Variants in NXNL1 observed in about 807,000 individuals in gnomAD.
NXNL1 encodes the protein nucleoredoxin like 1, also known as nucleoredoxin-like protein 1.
NXNL1 carries 6 observed loss-of-function variants against 7.2 expected under a neutral mutation model. The observed-to-expected ratio is 0.83, with a 90% CI of 0.46 to 1.64. NXNL1 has a LOEUF of 1.64. Ranked by LOEUF, NXNL1 falls within the 40% of genes most tolerant of loss-of-function variation. The pLI, the probability that NXNL1 is intolerant of heterozygous loss-of-function variation, is 0.01. For synonymous variants in NXNL1, 133 were observed against 127.2 expected, an observed-to-expected ratio of 1.05 and a Z score of -0.31; for missense variants, 308 against 285.1, an observed-to-expected ratio of 1.08 and a Z score of -0.58.
At chr19:17,459,407 T>C (rs2075004813) in intron 1 of NXNL1, among the ~76,000 whole-genome samples, 1 of 105,594 alleles carries the variant, frequency 9.5e-6, no homozygotes, top group Non-Finnish European at 2.2e-5. Context: ...ATTTATTTAT[T>C]ACATTTTTTA....
In NXNL1 at chr19:17,455,952, C is replaced by T. The variant is rs2144514491; in HGVS notation, c.334G>A (p.Gly112Arg). ...PFEDDLRRDL[G>R]RQFSVERLPA... ...AGGCGCTCCACTGAGAACTGGCGCCCGAGGTCCCTGCGGAGCGGGCAGGTC... is the reference window on the plus strand; with the variant it reads ...AGGCGCTCCACTGAGAACTGGCGCCTGAGGTCCCTGCGGAGCGGGCAGGTC... Residue 112 changes from glycine (G) to arginine (R), a missense_variant, in exon 2 of 2, where the codon GGG becomes AGG. By Grantham distance (125) the Gly-to-Arg change is moderately radical (BLOSUM62 -2). Transcript: ENST00000301944. The T allele has an allele frequency of 6.3e-7, 1 of 1,597,596 alleles. No individual in the cohort carries two copies. Among genetic ancestry groups the T allele is most frequent in the Non-Finnish European group, 8.5e-7 (1 of 1,179,486 alleles).
intron 1 of NXNL1, among the ~76,000 whole-genome samples, chr19:17,458,236 T>G (rs1225374982): frequency 7.5e-5 from 11 of 146,320 alleles, no homozygotes; most frequent in African/African-American, 2.4e-4. Flanking sequence ...TTTTTTTTTT[T>G]TGTGACATAG....
At position 17,455,671 on chromosome 19, in the gene NXNL1, C is replaced by CCCCA; in HGVS notation, c.614_615insTGGG (p.Glu205AspfsTer13). 5.6e-6 allele frequency: 6 copies of CCCCA among 1,079,734 alleles called. No individual in the cohort carries two copies. Among genetic ancestry groups the CCCCA allele is most frequent in the Non-Finnish European group, 8.1e-6 (6 of 744,334 alleles). 66.9% of individuals were successfully genotyped at this position (1,079,734 alleles called of 1,614,324 possible). A position where few individuals can be genotyped will look rare whatever the true frequency, so the allele number is the denominator to read the frequency against. The stretch of plus-strand genomic sequence containing the variant: ...GTCAGAACAGCCCCCCGGCCCCGCC[C>CCCCA]TCCTCCCCACCCCCTCCCCCGGGGT... On this transcript the variant is annotated frameshift_variant, in exon 2 of 2. Transcript: ENST00000301944. LOFTEE classifies it high-confidence loss of function.
intron 1 of NXNL1, 46 bp downstream of exon 1, chr19:17,460,498 G>A (rs568386331): frequency 6.3e-7 from 1 of 1,583,364 alleles, no homozygotes; most frequent in Admixed American, 1.7e-5. Flanking sequence ...TTCACTTTCA[G>A]CGAACATGCC....
chr19:17,457,296 T>C (rs760742122), intron 1 of NXNL1, among the ~76,000 whole-genome samples: 12 of 152,156 alleles, frequency 7.9e-5, no homozygotes, highest in Non-Finnish European at 1.3e-4. Context: ...AATAATCTTT[T>C]AGTGTAAGTA....
chr19:17,457,668 C>T (rs905777116), intron 1 of NXNL1, among the ~76,000 whole-genome samples: 1 of 152,188 alleles, frequency 6.6e-6, no homozygotes, highest in African/African-American at 2.4e-5. Flanking sequence ...CCACTGCACC[C>T]AGCCTGAAAT....
chr19:17,460,452 C>T (rs2144518334), intron 1 of NXNL1, 92 bp downstream of exon 1: 2 of 1,364,508 alleles, frequency 1.5e-6, no homozygotes, highest in Non-Finnish European at 2.0e-6. Flanking sequence ...GACTGGCACA[C>T]AGGGGCTGCT....
In NXNL1 at chr19:17,459,968, C is replaced by A. The variant is rs536584562; in HGVS notation, c.326+576G>T. On this transcript the variant is annotated intron_variant, in intron 1 of 1. Transcript: ENST00000301944. ...CCCTCATTGTATTTCCACTTTGTGG[C>A]CTAGCTTTGTCCTCTGAGCACTACT... Among the ~76,000 whole-genome samples the A allele has an allele frequency of 2.0e-5, 3 of 152,186 alleles. No homozygotes were observed. In the East Asian group the frequency reaches 5.8e-4, roughly 29 times the overall value.
chr19:17,457,388 T>A (rs1034629356), intron 1 of NXNL1, among the ~76,000 whole-genome samples: 30 of 152,152 alleles, frequency 2.0e-4, no homozygotes, highest in Non-Finnish European at 2.8e-4. Flanking sequence ...TTCTTTTTTT[T>A]AGAGACAGAG....
Position 17,456,097 on chromosome 19 carries a change from G to C in NXNL1, c.327-138C>G, listed in dbSNP as rs772931937. ...TGCCGGGCACTGGGTAGGTGCACAC[G>C]AGGACCGGGACAGGGCCAGACACTT... On this transcript the variant is annotated intron_variant, in intron 1 of 1. Coordinates refer to ENST00000301944, the MANE Select transcript of NXNL1 (RefSeq NM_138454.2). 1,030 of 1,444,244 alleles carry C rather than the reference G, an allele frequency of 7.1e-4. 1 individual carries two copies. Among genetic ancestry groups the C allele is most frequent in the Non-Finnish European group, 8.7e-4 (951 of 1,093,938 alleles). 89.5% of individuals were successfully genotyped at this position (1,444,244 alleles called of 1,614,324 possible).
intron 1 of NXNL1, among the ~76,000 whole-genome samples, chr19:17,460,169 C>T (rs2075007244): frequency 6.6e-6 from 1 of 150,894 alleles, no homozygotes; most frequent in Admixed American, 6.6e-5. Context: ...CACCACCACG[C>T]CTGGATAATT....
At chr19:17,456,036 A>G in intron 1 of NXNL1, 77 bp from the exon 2 acceptor site, 2 of 1,574,988 alleles carry the variant, frequency 1.3e-6, no homozygotes, top group Non-Finnish European at 1.7e-6. Flanking sequence ...CCCTCCTCCC[A>G]GTACTTAGGC....
Position 17,455,900 on chromosome 19 carries a change from T to G in NXNL1, c.386A>C (p.Asp129Ala). 6.3e-7 allele frequency: 1 copy of G among 1,594,684 alleles called. No homozygotes were observed. Among genetic ancestry groups the G allele is most frequent in the Non-Finnish European group, 8.5e-7 (1 of 1,177,850 alleles). The change falls in exon 2 of 2, where the codon GAC becomes GCC. Residue 129 changes from aspartate (D) to alanine (A), a missense_variant. By Grantham distance (126) the Asp-to-Ala change is moderately radical. Coordinates refer to ENST00000301944, the MANE Select transcript of NXNL1 (RefSeq NM_138454.2). The stretch of plus-strand genomic sequence containing the variant: ...GCCGTCGCGAGTGAGCACGTCCCCG[T>G]CCGGCTTGAGCACCACGACCGCCGG... ...RLPAVVVLKPDGDVLTRDGAD... is the reference protein window; with the variant it reads ...RLPAVVVLKPAGDVLTRDGAD...
chr19:17,455,671 C>CCCCCCCCCCCCCCCCCCCCCCCGGGGGG lies in NXNL1; in HGVS notation c.614_615insCCCCCCGGGGGGGGGGGGGGGGGGGGGG (p.Glu205AspfsTer21). Reference sequence around the variant, plus strand: ...GTCAGAACAGCCCCCCGGCCCCGCCCTCCTCCCCACCCCCTCCCCCGGGGT... The same window carrying CCCCCCCCCCCCCCCCCCCCCCCGGGGGG: ...GTCAGAACAGCCCCCCGGCCCCGCCCCCCCCCCCCCCCCCCCCCCCCCGGGGGGTCCTCCCCACCCCCTCCCCCGGGGT... On this transcript the variant is annotated frameshift_variant, in exon 2 of 2. Transcript: ENST00000301944. LOFTEE classifies it high-confidence loss of function. 3.7e-6 allele frequency: 4 copies of CCCCCCCCCCCCCCCCCCCCCCCGGGGGG among 1,079,742 alleles called. No individual in the cohort carries two copies. The highest frequency in any genetic ancestry group is 5.4e-6 in the Non-Finnish European group (4 of 744,340). 66.9% of individuals were successfully genotyped at this position (1,079,742 alleles called of 1,614,324 possible).
chr19:17,458,051 C>T (rs2074999191), intron 1 of NXNL1, among the ~76,000 whole-genome samples: 1 of 151,986 alleles, frequency 6.6e-6, no homozygotes, highest in Non-Finnish European at 1.5e-5. Flanking sequence ...TATATAGACA[C>T]GTATTTTTAT....
chr19:17,455,600 G>T lies in NXNL1; in HGVS notation c.*47C>A, dbSNP rs56384297. The stretch of plus-strand genomic sequence containing the variant: ...ACAGGCGTGCGGGGGTGGGGTGGGG[G>T]TGGAGGTTCATCAACAAACCCCACT... On this transcript the variant is annotated 3_prime_UTR_variant, in exon 2 of 2. Coordinates refer to ENST00000301944, the MANE Select transcript of NXNL1 (RefSeq NM_138454.2). 0.19 allele frequency: 221,490 copies of T among 1,167,124 alleles called. 22,507 individuals carry two copies. The highest frequency in any genetic ancestry group is 0.21 in the Non-Finnish European group (173,955 of 829,250). The allele number at this position is 1,167,124 out of a possible 1,614,324, so 72.3% of individuals were successfully genotyped here.
rs375513833 is a variant in NXNL1 at position 17,460,805 on chromosome 19, G to A, written c.65C>T (p.Thr22Met). 1.1e-5 allele frequency: 17 copies of A among 1,613,708 alleles called. No homozygotes were observed. Among genetic ancestry groups the A allele is most frequent in the African/African-American group, 1.3e-5 (1 of 74,928 alleles). The change falls in exon 1 of 2, where the codon ACG becomes ATG. Residue 22 changes from threonine to methionine, a missense_variant. Coordinates refer to ENST00000301944, the MANE Select transcript of NXNL1 (RefSeq NM_138454.2). ...RNNSDQDELD[T>M]EAEVSRRLEN... ...CAGCCTGCGACTGACCTCAGCCTCC[G>A]TATCCAGCTCGTCCTGGTCGCTATT... is the stretch of plus-strand genomic sequence containing the variant.
chr19:17,455,869 G>A lies in NXNL1; in HGVS notation c.417C>T (p.Asp139=), dbSNP rs1230573551. 1 of 1,588,944 alleles carries A rather than the reference G, an allele frequency of 6.3e-7. No homozygotes were observed. The highest frequency in any genetic ancestry group is 8.5e-7 in the Non-Finnish European group (1 of 1,174,406). Residue 139 remains aspartate, a synonymous_variant, in exon 2 of 2, where the codon GAC becomes GAT. Transcript: ENST00000301944. ...AGGCGGTGCCCAGGCGCTGGATCTC[G>A]TCGGCGCCGTCGCGAGTGAGCACGT... The part of the protein sequence containing the change: ...DGDVLTRDGA[D]EIQRLGTACF...
rs375599803 is a variant in NXNL1, at chr19:17,455,908, G to C, written c.378C>G (p.Leu126=). The change falls in exon 2 of 2, where the codon CTC becomes CTG. Residue 126 remains leucine, a synonymous_variant. Transcript: ENST00000301944. The stretch of plus-strand genomic sequence containing the variant: ...GAGTGAGCACGTCCCCGTCCGGCTT[G>C]AGCACCACGACCGCCGGCAGGCGCT... ...SVERLPAVVV[L]KPDGDVLTRD... 1.3e-6 allele frequency: 2 copies of C among 1,595,354 alleles called. No individual in the cohort carries two copies. Among genetic ancestry groups the C allele is most frequent in the African/African-American group, 2.7e-5 (2 of 74,882 alleles).
Sources: gnomAD v4.1 joint callset for allele counts (sites outside exome capture counted in the v4.1 genomes callset) on GRCh38, gnomAD v4.1.1 for gene constraint, MANE v1.5 for transcripts, NCBI Gene and HGNC (gene_info 2026-07-23, HGNC 2026-07-21) for gene names.